The following SGTA variants were observed in gnomAD, a reference collection of about 807,000 sequenced individuals.
The protein encoded by SGTA is small glutamine rich tetratricopeptide repeat co-chaperone alpha, also known as small glutamine-rich tetratricopeptide repeat-containing protein alpha.
SGTA carries 22 observed loss-of-function variants against 44.3 expected under a neutral mutation model. The observed-to-expected ratio is 0.50, with a 90% CI of 0.36 to 0.71. The LOEUF (loss-of-function observed/expected upper bound fraction) is 0.71, where lower values mean the gene tolerates loss of function less well. Among genes scored for constraint, SGTA ranks in the 30% least tolerant of loss-of-function variants. The probability of loss-of-function intolerance (pLI) is 0.00; values close to 1 mark genes in which losing one functional copy is unlikely to be tolerated. For synonymous variants in SGTA, 174 were observed against 177.6 expected (o/e 0.98, Z 0.16); for missense variants, 341 against 435.9 (o/e 0.78, Z 1.94).
chr19:2,768,042 G>A (rs556197820), intron 2 of SGTA, among the ~76,000 whole-genome samples: 6 of 152,230 alleles, frequency 3.9e-5, no homozygotes, highest in South Asian at 2.1e-4. Flanking sequence ...GAGGTGCCCC[G>A]GATGCTGTTG....
At chr19:2,758,859 G>A (rs745646805) in intron 9 of SGTA, among the ~76,000 whole-genome samples, 7 of 152,202 alleles carry the variant, frequency 4.6e-5, no homozygotes, top group African/African-American at 9.7e-5. Flanking sequence ...AGGACGTCAC[G>A]CTCAGTGAGA....
In SGTA at chr19:2,761,401, G is replaced by T; in HGVS notation, c.699+59C>A. 7.0e-7 allele frequency: 1 copy of T among 1,423,070 alleles called. No individual in the cohort carries two copies. 88.2% of individuals were successfully genotyped at this position (1,423,070 alleles called of 1,614,324 possible). The stretch of plus-strand genomic sequence containing the variant: ...GCCCTGGCCAGTAGCGGACACAGCA[G>T]ATGCGGGCCTGGGGGGTGGCGCAGA... On this transcript the variant is annotated intron_variant, in intron 8 of 11. Coordinates refer to ENST00000221566, the MANE Select transcript of SGTA (RefSeq NM_003021.4). This position sits in a 1 kb window ranked among gnomAD's most constrained non-coding sequence, Gnocchi z 5.7.
chr19:2,758,330 A>G (rs1599495966), intron 9 of SGTA, among the ~76,000 whole-genome samples: 2 of 152,140 alleles, frequency 1.3e-5, no homozygotes, highest in South Asian at 4.1e-4. Flanking sequence ...GGAGTTCAAG[A>G]CCAGCCTGGC....
chr19:2,759,018 C>T (rs1914909730), intron 9 of SGTA, among the ~76,000 whole-genome samples: 1 of 151,894 alleles, frequency 6.6e-6, no homozygotes. Flanking sequence ...GAAGGGGCTT[C>T]TTTCGGAGGT....
chr19:2,782,733 T>C (rs1434125392), intron 1 of SGTA: 6 of 152,114 alleles, frequency 3.9e-5, no homozygotes, highest in African/African-American at 1.4e-4. Flanking sequence ...CGGCTCTCCT[T>C]CTCCTAGGCA....
At position 2,765,046 on chromosome 19, in the gene SGTA, G is replaced by A. The variant is rs142059520; in HGVS notation, c.392+140C>T. On this transcript the variant is annotated intron_variant, in intron 5 of 11. Transcript: ENST00000221566. This position sits in a 1 kb window ranked among gnomAD's most constrained non-coding sequence, Gnocchi z 5.5. The stretch of plus-strand genomic sequence containing the variant: ...CCCCGTTGCTGGTCACCTGATGCTC[G>A]CTCCTGGTCTGAGACCACCGGTGAA... The A allele has an allele frequency of 3.0e-5, 19 of 628,286 alleles. No individual in the cohort carries two copies. Among genetic ancestry groups the A allele is most frequent in the African/African-American group, 1.8e-4 (10 of 54,508 alleles). 38.9% of individuals were successfully genotyped at this position (628,286 alleles called of 1,614,324 possible). A position where few individuals can be genotyped will look rare whatever the true frequency, so the allele number is the denominator to read the frequency against.
chr19:2,772,602 G>A (rs138240409), intron 1 of SGTA, among the ~76,000 whole-genome samples: 288 of 152,346 alleles, frequency 1.9e-3, no homozygotes, highest in African/African-American at 6.4e-3. Context: ...CTTGGAATGC[G>A]ACCTCACCTG....
chr19:2,763,539 C>T lies in SGTA; in HGVS notation c.497+114G>A, dbSNP rs946161148. On this transcript the variant is annotated intron_variant, in intron 6 of 11. Transcript: ENST00000221566. The surrounding 1 kb of genome is among the most constrained non-coding windows in gnomAD (Gnocchi z 5.8). The stretch of plus-strand genomic sequence containing the variant: ...AGCTAGTGTCAGAGTTGAACTGAAC[C>T]GGGGTGGGAGAATTCGTTGTGGGTG... The T allele has an allele frequency of 1.1e-4, 74 of 691,352 alleles. No homozygotes were observed. Among genetic ancestry groups the T allele is most frequent in the Admixed American group, 2.5e-4 (10 of 40,364 alleles). 42.8% of individuals were successfully genotyped at this position (691,352 alleles called of 1,614,324 possible).
intron 1 of SGTA, among the ~76,000 whole-genome samples, chr19:2,779,875 C>T (rs534501935): frequency 6.6e-6 from 1 of 152,078 alleles, no homozygotes; most frequent in African/African-American, 2.4e-5. Flanking sequence ...GTGTTTAAGA[C>T]CAGCTTGGGC....
In SGTA at chr19:2,757,738, G is replaced by C; in HGVS notation, c.782C>G (p.Pro261Arg). 6.2e-7 allele frequency: 1 copy of C among 1,604,442 alleles called. No homozygotes were observed. Among genetic ancestry groups the C allele is most frequent in the Non-Finnish European group, 8.5e-7 (1 of 1,176,012 alleles). The change falls in exon 10 of 12, where the codon CCC becomes CGC. Residue 261 changes from proline (P) to arginine (R), a missense_variant. Transcript: ENST00000221566. ...GTCGTTCTGCGAGGGGCTGGTGCCG[G>C]GAGTTCCCAAGGGGTTGTTGCCACC... The part of the protein sequence containing the change: ...ISGGNNPLGT[P>R]GTSPSQNDLA...
rs1045083717 is a variant in SGTA at position 2,761,602 on chromosome 19, G to A, written c.637-80C>T. 56 of 1,170,188 alleles carry A rather than the reference G, an allele frequency of 4.8e-5. 2 individuals carry two copies. The South Asian group carries it at 5.7e-4, about 12-fold the overall frequency. The allele number at this position is 1,170,188 out of a possible 1,614,324, so 72.5% of individuals were successfully genotyped here. On this transcript the variant is annotated intron_variant, in intron 7 of 11. Transcript: ENST00000221566. The surrounding 1 kb of genome is among the most constrained non-coding windows in gnomAD (Gnocchi z 5.7). Reference sequence around the variant, plus strand: ...TAACCCCCTGGAACTCAGAAACAACGGCCCCCCACGGGGCTCAGACATTCT... The same window carrying A: ...TAACCCCCTGGAACTCAGAAACAACAGCCCCCCACGGGGCTCAGACATTCT...
intron 1 of SGTA, among the ~76,000 whole-genome samples, chr19:2,778,947 A>C (rs61432549): frequency 6.6e-6 from 1 of 152,134 alleles, no homozygotes. Context: ...TTTTTTTCCC[A>C]AATAATTAAT....
intron 1 of SGTA, among the ~76,000 whole-genome samples, chr19:2,771,348 A>C (rs1164682488): frequency 6.6e-6 from 1 of 152,024 alleles, no homozygotes; most frequent in African/African-American, 2.4e-5. Context: ...CACTTGAACC[A>C]GGGAGTTGGA....
intron 1 of SGTA, among the ~76,000 whole-genome samples, chr19:2,775,339 G>A (rs759066): frequency 6.6e-6 from 1 of 152,036 alleles, no homozygotes; most frequent in Non-Finnish European, 1.5e-5. Flanking sequence ...TGAGGCGTGG[G>A]CTGCCTGACC....
chr19:2,756,332 T>G (rs370318642), intron 11 of SGTA, among the ~76,000 whole-genome samples: 2 of 151,840 alleles, frequency 1.3e-5, no homozygotes, highest in African/African-American at 4.8e-5. Context: ...TTGGGCTGAA[T>G]GCACGGCTCA....
intron 8 of SGTA, chr19:2,759,563 G>C (rs1439993863): frequency 2.1e-6 from 1 of 485,470 alleles, no homozygotes; most frequent in Non-Finnish European, 3.7e-6. Context: ...CTCACTGGCT[G>C]CTGCGGTTTT....
rs1054445673 is a variant in SGTA at position 2,755,915 on chromosome 19, G to A, written c.*25C>T. 22 of 985,750 alleles carry A rather than the reference G, an allele frequency of 2.2e-5. No individual in the cohort carries two copies. The highest frequency in any genetic ancestry group is 9.4e-5 in the South Asian group (2 of 21,298). 61.1% of individuals were successfully genotyped at this position (985,750 alleles called of 1,614,324 possible). A position where few individuals can be genotyped will look rare whatever the true frequency, so the allele number is the denominator to read the frequency against. Reference sequence around the variant, plus strand: ...TCCTTCGGGTCGGCCAGGGAAGGACGCGGTCACACCGGGAGCAGCTGGAAG... The same window carrying A: ...TCCTTCGGGTCGGCCAGGGAAGGACACGGTCACACCGGGAGCAGCTGGAAG... On this transcript the variant is annotated 3_prime_UTR_variant, in exon 12 of 12. Transcript: ENST00000221566. The surrounding 1 kb of genome is among the most constrained non-coding windows in gnomAD (Gnocchi z 5.2).
At position 2,755,440 on chromosome 19, in the gene SGTA, C is replaced by T. The variant is rs1568305820; in HGVS notation, c.*500G>A. The T allele has an allele frequency of 1.0e-6, 1 of 987,734 alleles. No individual in the cohort carries two copies. Among genetic ancestry groups the T allele is most frequent in the Non-Finnish European group, 1.2e-6 (1 of 830,208 alleles). The allele number at this position is 987,734 out of a possible 1,614,324, so 61.2% of individuals were successfully genotyped here. ...CCCGCGGTGCCCAGGCCGCAGCTGG[C>T]AGTGAGCTCTTCCGAGCAGGCACAG... is the stretch of plus-strand genomic sequence containing the variant. On this transcript the variant is annotated 3_prime_UTR_variant, in exon 12 of 12. Transcript: ENST00000221566. This position sits in a 1 kb window ranked among gnomAD's most constrained non-coding sequence, Gnocchi z 5.2.
In SGTA at chr19:2,768,979, C is replaced by T. The variant is rs140911488; in HGVS notation, c.90G>A (p.Glu30=). The stretch of plus-strand genomic sequence containing the variant: ...CAGGCACCCACCTACCTTCCAAGCT[C>T]TCCTGAGCATCGGACGAGAGGCCCC... ...RHGGLSSDAQ[E]SLEVAIQCLE... The change falls in exon 2 of 12, where the codon GAG becomes GAA. Residue 30 remains glutamate (E), a synonymous_variant. Coordinates refer to ENST00000221566, the MANE Select transcript of SGTA (RefSeq NM_003021.4). The T allele has an allele frequency of 9.2e-4, 1,480 of 1,613,216 alleles. 1 individual carries two copies. Among genetic ancestry groups the T allele is most frequent in the Non-Finnish European group, 1.2e-3 (1,416 of 1,179,472 alleles).
Sources: gnomAD v4.1 joint callset for allele counts (sites outside exome capture counted in the v4.1 genomes callset) on GRCh38, gnomAD v4.1.1 for gene constraint, Gnocchi (gnomAD v3.1) non-coding constraint, MANE v1.5 for transcripts, NCBI Gene and HGNC (gene_info 2026-07-23, HGNC 2026-07-21) for gene names.